PFKP: variants seen among roughly 807,000 people sequenced by gnomAD.
PFKP encodes the protein ATP-dependent 6-phosphofructokinase, platelet type.
PFKP carries 101 observed loss-of-function variants against 94.3 expected under a neutral mutation model. That is an observed-to-expected ratio of 1.07 (90% confidence interval 0.91 to 1.26). The LOEUF is 1.26. Ranked by LOEUF, PFKP falls within the 50% of genes most tolerant of loss-of-function variation. The pLI, the probability that PFKP is intolerant of heterozygous loss-of-function variation, is 0.00. For missense variants in PFKP, 1,145 were observed against 1,103.3 expected (o/e 1.04, Z -0.53); for synonymous variants, 573 against 432.6 (o/e 1.32, Z -4.03).
At chr10:3,079,931 A>G (rs1272099140) in intron 1 of PFKP, among the ~76,000 whole-genome samples, 1 of 151,084 alleles carries the variant, frequency 6.6e-6, no homozygotes, top group Non-Finnish European at 1.5e-5. Flanking sequence ...CTGTCCTGCC[A>G]GGAATAAATG....
intron 1 of PFKP, among the ~76,000 whole-genome samples, chr10:3,080,629 C>T (rs1832995635): frequency 6.6e-6 from 1 of 151,772 alleles, no homozygotes; most frequent in Non-Finnish European, 1.5e-5. Flanking sequence ...CACAGCCCAA[C>T]AGCAAGGCAC....
At chr10:3,086,404 G>T (rs993183176) in intron 2 of PFKP, among the ~76,000 whole-genome samples, 1 of 152,222 alleles carries the variant, frequency 6.6e-6, no homozygotes, top group African/African-American at 2.4e-5. Flanking sequence ...TCAGGGCCAG[G>T]AACAGAGTTC....
intron 2 of PFKP, among the ~76,000 whole-genome samples, chr10:3,083,541 T>C (rs138530091): frequency 6.6e-6 from 1 of 152,246 alleles, no homozygotes; most frequent in African/African-American, 2.4e-5. Context: ...AACACACACA[T>C]TAGGAAAAGT....
intron 14 of PFKP, among the ~76,000 whole-genome samples, chr10:3,118,551 G>A (rs1025429570): frequency 6.6e-6 from 1 of 152,184 alleles, no homozygotes; most frequent in African/African-American, 2.4e-5. Context: ...GTCAAGGTAT[G>A]AGCTGAAATG....
At chr10:3,098,597 C>T (rs1834689445) in intron 2 of PFKP, among the ~76,000 whole-genome samples, 1 of 142,294 alleles carries the variant, frequency 7.0e-6, no homozygotes, top group Non-Finnish European at 1.5e-5. Flanking sequence ...ATCACTTCAA[C>T]CCGGGAGGCA....
rs147916564 is a variant in PFKP at position 3,123,193 on chromosome 10, C to T, written c.1683+3149C>T. Among the ~76,000 whole-genome samples the T allele has an allele frequency of 2.2e-4, 33 of 152,252 alleles. 3 individuals carry two copies. The highest frequency in any genetic ancestry group is 6.5e-4 in the African/African-American group (27 of 41,528). ...GATACGGCTGCAGGGAGTTTCAGTC[C>T]GACCCTTTCATTCCTTAGCACTGGC... is the stretch of plus-strand genomic sequence containing the variant. On this transcript the variant is annotated intron_variant, in intron 16 of 21. Coordinates refer to ENST00000381125, the MANE Select transcript of PFKP (RefSeq NM_002627.5).
At chr10:3,069,856 T>C (rs1832052516) in intron 1 of PFKP, among the ~76,000 whole-genome samples, 1 of 152,242 alleles carries the variant, frequency 6.6e-6, no homozygotes, top group Non-Finnish European at 1.5e-5. Context: ...TTAGGATACA[T>C]TGGCAGAATC....
At chr10:3,075,596 G>T (rs1418179974) in intron 1 of PFKP, among the ~76,000 whole-genome samples, 1 of 144,658 alleles carries the variant, frequency 6.9e-6, no homozygotes, top group Non-Finnish European at 1.5e-5. Context: ...AAGAAAGGCG[G>T]GGCAGGGGGC....
chr10:3,134,091 C>T lies in PFKP; in HGVS notation c.2023-392C>T, dbSNP rs1186223826. ...ACCTCCTATTCTTATACTTTTAAGC[C>T]AGAGCCCATGAATCCCCTGCAATGA... On this transcript the variant is annotated intron_variant, in intron 19 of 21. Transcript: ENST00000381125. Among the ~76,000 whole-genome samples, 3 of 152,156 alleles carry T rather than the reference C, an allele frequency of 2.0e-5. No individual in the cohort carries two copies. In the East Asian group the frequency reaches 5.8e-4, roughly 29 times the overall value.
At chr10:3,103,214 G>A (rs1346708031) in intron 4 of PFKP, among the ~76,000 whole-genome samples, 1 of 152,214 alleles carries the variant, frequency 6.6e-6, no homozygotes, top group Non-Finnish European at 1.5e-5. Context: ...TTGCAAATGT[G>A]GATCCTTTCT....
At chr10:3,093,790 C>T (rs1834252142) in intron 2 of PFKP, among the ~76,000 whole-genome samples, 1 of 151,960 alleles carries the variant, frequency 6.6e-6, no homozygotes, top group Non-Finnish European at 1.5e-5. Flanking sequence ...ACTACAGGCT[C>T]CCGCCACCAC....
chr10:3,117,029 T>C (rs913061599), intron 14 of PFKP, among the ~76,000 whole-genome samples, 183 bp downstream of exon 14: 19 of 152,200 alleles, frequency 1.2e-4, no homozygotes, highest in Non-Finnish European at 2.6e-4. Context: ...GAGCTGGGGA[T>C]GTGTCCCAGG....
In PFKP at chr10:3,129,912, A is replaced by G. The variant is rs750036629; in HGVS notation, c.1777A>G (p.Met593Val). 1.2e-5 allele frequency: 19 copies of G among 1,612,558 alleles called. No individual in the cohort carries two copies. The highest frequency in any genetic ancestry group is 1.5e-5 in the Non-Finnish European group (18 of 1,179,450). ...CGGCTACTGTGGCTACCTGGCCAAC[A>G]TGGGGGGGCTCGCGGCCGGAGCTGA... ...MGGYCGYLAN[M>V]GGLAAGADAA... Residue 593 changes from methionine (M) to valine (V), a missense_variant, in exon 17 of 22, where the codon ATG (methionine) becomes GTG (valine). Around this residue, in one of 3 missense-constraint regions of PFKP, gnomAD observed 1,119 missense variants for 1,062.8 expected, o/e 1.05. Transcript: ENST00000381125.
intron 16 of PFKP, 38 bp from the exon 17 acceptor site, chr10:3,129,781 G>C: frequency 6.8e-6 from 11 of 1,608,602 alleles, no homozygotes; most frequent in Non-Finnish European, 9.3e-6. Context: ...CGCGCCCCGG[G>C]CCTGGGCTGG....
chr10:3,101,015 C>T, intron 3 of PFKP: 1 of 1,606,222 alleles, frequency 6.2e-7, no homozygotes, highest in Non-Finnish European at 8.5e-7. Flanking sequence ...GTGGGCTTGT[C>T]TTTGGTTCCA....
intron 16 of PFKP, among the ~76,000 whole-genome samples, chr10:3,124,257 ATAGT>A (rs1360945021): frequency 6.6e-6 from 1 of 152,168 alleles, no homozygotes; most frequent in Admixed American, 6.5e-5. Flanking sequence ...AAGACCATAA[ATAGT>A]TGGTTTTGCC....
intron 3 of PFKP, among the ~76,000 whole-genome samples, chr10:3,100,053 T>TAGG: frequency 8.0e-6 from 1 of 124,312 alleles, no homozygotes; most frequent in South Asian, 2.4e-4. Context: ...TGTGTAGGTG[T>TAGG]GTGGTGTGTG....
At chr10:3,108,498 C>A (rs1588488684) in intron 8 of PFKP, among the ~76,000 whole-genome samples, 1 of 152,232 alleles carries the variant, frequency 6.6e-6, no homozygotes, top group Non-Finnish European at 1.5e-5. Flanking sequence ...CTGGTAACAA[C>A]AGTATTATTT....
intron 1 of PFKP, among the ~76,000 whole-genome samples, chr10:3,074,442 G>A (rs1245963819): frequency 6.6e-6 from 1 of 152,236 alleles, no homozygotes; most frequent in Non-Finnish European, 1.5e-5. Flanking sequence ...AGCAGGTGGA[G>A]GGAAGCAGAC....
Sources: gnomAD v4.1 joint callset for allele counts (sites outside exome capture counted in the v4.1 genomes callset) on GRCh38, gnomAD v4.1.1 for gene constraint, gnomAD v4.1.1 regional missense constraint, MANE v1.5 for transcripts, NCBI Gene and HGNC (gene_info 2026-07-23, HGNC 2026-07-21) for gene names.